The following TPST2 variants were observed in gnomAD, a reference collection of about 807,000 sequenced individuals.
TPST2 encodes tyrosylprotein sulfotransferase 2.
Under a neutral mutation model 27.8 loss-of-function variants are expected in TPST2, and 16 were observed. That is an observed-to-expected ratio of 0.58 (90% CI 0.39 to 0.88). The LOEUF (loss-of-function observed/expected upper bound fraction) is 0.88, where lower values mean the gene tolerates loss of function less well. Ranked by LOEUF, TPST2 falls within the 40% of genes least tolerant of loss-of-function variation. The pLI is 0.00. For missense variants in TPST2, 464 were observed against 543.1 expected, an observed-to-expected ratio of 0.85 and a Z score of 1.45; for synonymous variants, 229 against 231.7, an observed-to-expected ratio of 0.99 and a Z score of 0.10.
In TPST2 at chr22:26,540,889, A is replaced by G; in HGVS notation, c.742T>C (p.Ser248Pro). 1 of 1,614,148 alleles carries G rather than the reference A, an allele frequency of 6.2e-7. No individual in the cohort carries two copies. The change falls in exon 3 of 7, where the codon TCA becomes CCA. Residue 248 changes from serine (S) to proline (P), a missense_variant. By Grantham distance (74) the Ser-to-Pro change is moderately conservative. Coordinates refer to ENST00000338754, the MANE Select transcript of TPST2 (RefSeq NM_003595.5). ...YEQLVLHPRR[S>P]LKLILDFLGI... ...AGGAAGTCGAGGATGAGCTTGAGTG[A>G]GCGCCTGGGGTGCAGCACCAGCTGC...
At chr22:26,569,306 C>T (rs186719481) in intron 1 of TPST2, among the ~76,000 whole-genome samples, 4 of 152,156 alleles carry the variant, frequency 2.6e-5, no homozygotes, top group East Asian at 1.9e-4. Flanking sequence ...GTGGTTACCC[C>T]GGTGGGGCAA....
chr22:26,586,399 A>C (rs1249064599), intron 1 of TPST2, among the ~76,000 whole-genome samples: 2 of 151,986 alleles, frequency 1.3e-5, no homozygotes, highest in Non-Finnish European at 2.9e-5. Context: ...ACAGGCGCGC[A>C]CCACCACGCC....
intron 6 of TPST2, among the ~76,000 whole-genome samples, chr22:26,526,683 G>T (rs1161523859): frequency 6.6e-6 from 1 of 152,210 alleles, no homozygotes; most frequent in Non-Finnish European, 1.5e-5. Flanking sequence ...GAAGGTCCAG[G>T]ATTCTACTAA....
chr22:26,563,842 A>C (rs1927244874), intron 1 of TPST2, among the ~76,000 whole-genome samples: 1 of 152,184 alleles, frequency 6.6e-6, no homozygotes, highest in Non-Finnish European at 1.5e-5. Flanking sequence ...GGAGGCTGCT[A>C]GTCCCATGCC....
intron 4 of TPST2, among the ~76,000 whole-genome samples, chr22:26,533,345 G>A (rs995008265): frequency 2.6e-5 from 4 of 152,126 alleles, no homozygotes; most frequent in Admixed American, 1.3e-4. Flanking sequence ...GGTTGAGCCC[G>A]GGAGGTTGAG....
At chr22:26,531,485 T>C (rs1467372140) in intron 5 of TPST2, among the ~76,000 whole-genome samples, 2 of 152,206 alleles carry the variant, frequency 1.3e-5, no homozygotes, top group Non-Finnish European at 2.9e-5. Context: ...CAAAAGTGCA[T>C]ACGCACTCCA....
intron 1 of TPST2, among the ~76,000 whole-genome samples, chr22:26,581,702 G>T (rs1193978229): frequency 1.3e-5 from 2 of 152,126 alleles, no homozygotes; most frequent in Non-Finnish European, 2.9e-5. Flanking sequence ...AACGTAAAGA[G>T]CTAAGTACCC....
chr22:26,577,711 T>C (rs1483151412), intron 1 of TPST2, among the ~76,000 whole-genome samples: 1 of 143,398 alleles, frequency 7.0e-6, no homozygotes, highest in African/African-American at 2.6e-5. Flanking sequence ...CAGGCTGGAA[T>C]GCAGTGGCAC....
At chr22:26,560,945 C>A (rs1178601041) in intron 1 of TPST2, 2 of 1,609,462 alleles carry the variant, frequency 1.2e-6, no homozygotes, top group African/African-American at 2.7e-5. Context: ...CCGCAGATGA[C>A]AAGCAGCCTT....
chr22:26,589,880 G>A (rs1928488344), intron 1 of TPST2, among the ~76,000 whole-genome samples, 173 bp downstream of exon 1: 1 of 151,878 alleles, frequency 6.6e-6, no homozygotes, highest in African/African-American at 2.4e-5. Flanking sequence ...CGCGCCGCCT[G>A]CCTGCCTCCC....
intron 5 of TPST2, among the ~76,000 whole-genome samples, chr22:26,531,846 C>T (rs1267177902): frequency 6.6e-6 from 1 of 152,192 alleles, no homozygotes; most frequent in Non-Finnish European, 1.5e-5. Flanking sequence ...ACAACCCCCA[C>T]TCTGGTTTGA....
intron 1 of TPST2, among the ~76,000 whole-genome samples, chr22:26,565,039 A>C (rs1190386444): frequency 6.6e-6 from 1 of 152,128 alleles, no homozygotes; most frequent in Admixed American, 6.5e-5. Context: ...GCCACCTCCA[A>C]AACACCCAGC....
At chr22:26,572,774 G>GT (rs1230927662) in intron 1 of TPST2, among the ~76,000 whole-genome samples, 2 of 151,816 alleles carry the variant, frequency 1.3e-5, no homozygotes, top group Non-Finnish European at 2.9e-5. Flanking sequence ...AGTCTGGTGG[G>GT]TTTTTTTTCT....
At chr22:26,543,792 C>A (rs1371722088) in intron 2 of TPST2, among the ~76,000 whole-genome samples, 1 of 152,192 alleles carries the variant, frequency 6.6e-6, no homozygotes, top group Non-Finnish European at 1.5e-5. Flanking sequence ...GCAGGCAAGT[C>A]AGAAGTGAGC....
At position 26,574,466 on chromosome 22, in the gene TPST2, T is replaced by C. The variant is rs534121225; in HGVS notation, c.-161+15587A>G. On this transcript the variant is annotated intron_variant, in intron 1 of 6. Transcript: ENST00000338754. ...CATCCCACAACAACAGGCCTTCTCT[T>C]GATGCCTGCCTCACGGGTCACTGTG... 2.0e-5 allele frequency among the ~76,000 whole-genome samples: 3 copies of C among 152,260 alleles called. No homozygotes were observed. In the East Asian group the frequency reaches 5.8e-4, roughly 29 times the overall value.
chr22:26,531,719 C>T (rs1925171123), intron 5 of TPST2, among the ~76,000 whole-genome samples: 1 of 152,176 alleles, frequency 6.6e-6, no homozygotes, highest in African/African-American at 2.4e-5. Flanking sequence ...TACTTAGCAT[C>T]AGCTGCCACA....
chr22:26,568,474 C>T (rs753813428), intron 1 of TPST2, among the ~76,000 whole-genome samples: 4 of 152,104 alleles, frequency 2.6e-5, no homozygotes, highest in Non-Finnish European at 5.9e-5. Flanking sequence ...TCGTAAAGAC[C>T]CCATTAATAA....
chr22:26,574,402 G>A (rs1158370051), intron 1 of TPST2, among the ~76,000 whole-genome samples: 1 of 152,172 alleles, frequency 6.6e-6, no homozygotes, highest in African/African-American at 2.4e-5. Flanking sequence ...AAGCCAGCTG[G>A]AGTTCTAACT....
chr22:26,587,582 C>T (rs544653602), intron 1 of TPST2, among the ~76,000 whole-genome samples: 2 of 152,274 alleles, frequency 1.3e-5, no homozygotes, highest in Non-Finnish European at 2.9e-5. Context: ...CTCAGGTGAC[C>T]TGCCCACCTT....
Sources: allele counts gnomAD v4.1 joint callset (sites outside exome capture counted in the v4.1 genomes callset), GRCh38; gene constraint gnomAD v4.1.1; transcripts MANE v1.5; gene names NCBI Gene and HGNC (gene_info 2026-07-23, HGNC 2026-07-21).